Variants in PAPPA2 observed in about 807,000 individuals in gnomAD.
PAPPA2 encodes the protein pappalysin-2.
In PAPPA2, 86 loss-of-function variants were observed where a neutral mutation model predicts 176.4. The ratio of observed to expected loss-of-function variants is 0.49; its 90% CI spans 0.41 to 0.58. The LOEUF is 0.58. Ranked by LOEUF, PAPPA2 falls within the 20% of genes least tolerant of loss-of-function variation. The pLI is 0.00. For synonymous variants in PAPPA2, 809 were observed against 852.2 expected, an observed-to-expected ratio of 0.95 and a Z score of 0.88; for missense variants, 2,073 against 2,256.9, an observed-to-expected ratio of 0.92 and a Z score of 1.65.
chr1:176,817,139 G>A (rs1040294189), intron 21 of PAPPA2, among the ~76,000 whole-genome samples: 7 of 152,104 alleles, frequency 4.6e-5, no homozygotes, highest in Non-Finnish European at 8.8e-5. Context: ...GGCAAGAGGT[G>A]AGCATGGGAC....
chr1:176,672,596 G>T (rs1659074680), intron 4 of PAPPA2, among the ~76,000 whole-genome samples: 1 of 151,986 alleles, frequency 6.6e-6, no homozygotes, highest in Admixed American at 6.6e-5. Flanking sequence ...AGAAAAGATT[G>T]CTGTTCAATG....
chr1:176,649,291 T>C (rs1657578218), intron 3 of PAPPA2, among the ~76,000 whole-genome samples: 3 of 151,442 alleles, frequency 2.0e-5, no homozygotes, highest in Non-Finnish European at 4.4e-5. Flanking sequence ...TCCTTTTTGC[T>C]GAATTCTTTT....
At position 176,740,061 on chromosome 1, in the gene PAPPA2, C is replaced by T; in HGVS notation, c.4016C>T (p.Thr1339Ile). 1 of 1,613,986 alleles carries T rather than the reference C, an allele frequency of 6.2e-7. No homozygotes were observed. The highest frequency in any genetic ancestry group is 8.5e-7 in the Non-Finnish European group (1 of 1,179,906). Residue 1339 changes from threonine to isoleucine, a missense_variant, in exon 14 of 23, where the codon ACC becomes ATC. Physicochemically the swap from Thr to Ile is moderately conservative, Grantham distance 89. This residue lies in a region of PAPPA2 where 846 missense variants were observed against 857.9 expected (regional missense o/e 0.99). Coordinates refer to ENST00000367662, the MANE Select transcript of PAPPA2 (RefSeq NM_020318.3). ...HHQNVLFHHT[T>I]SVLLNFSSPR... Reference sequence around the variant, plus strand: ...CAGAATGTCCTTTTCCACCATACCACCTCAGTGCTGCTGAATTTCTCATCC... The same window carrying T: ...CAGAATGTCCTTTTCCACCATACCATCTCAGTGCTGCTGAATTTCTCATCC...
intron 2 of PAPPA2, among the ~76,000 whole-genome samples, chr1:176,584,395 AT>A (rs1415492615): frequency 4.8e-5 from 7 of 145,488 alleles, no homozygotes; most frequent in African/African-American, 1.8e-4. Context: ...TATATAATGC[AT>A]TTTTGTTTTT....
chr1:176,615,517 C>T (rs1395005154), intron 3 of PAPPA2, among the ~76,000 whole-genome samples: 1 of 151,948 alleles, frequency 6.6e-6, no homozygotes, highest in Non-Finnish European at 1.5e-5. Context: ...TTAGTAGGGA[C>T]GGGGTTTCAC....
chr1:176,631,444 A>G (rs1656333556), intron 3 of PAPPA2, among the ~76,000 whole-genome samples: 1 of 152,220 alleles, frequency 6.6e-6, no homozygotes, highest in Non-Finnish European at 1.5e-5. Flanking sequence ...GCAATAAAAA[A>G]TATTCTAAAA....
Position 176,526,621 on chromosome 1 carries a change from CG to C in PAPPA2, c.-916-28782del, listed in dbSNP as rs1649513865. On this transcript the variant is annotated intron_variant, in intron 1 of 22. Coordinates refer to ENST00000367662, the MANE Select transcript of PAPPA2 (RefSeq NM_020318.3). ...TTACTGAGTTAAGACACTGAGGTTTCGGGGTGATTTGCTACAGCAGAGAGCT... is the reference window on the plus strand; with the variant it reads ...TTACTGAGTTAAGACACTGAGGTTTCGGGTGATTTGCTACAGCAGAGAGCT... Among the ~76,000 whole-genome samples, 3 of 152,290 alleles carry C rather than the reference CG, an allele frequency of 2.0e-5. No individual in the cohort carries two copies. In the South Asian group the frequency reaches 6.2e-4, roughly 32 times the overall value.
chr1:176,779,476 TCACACACACACACACACACA>T (rs376976102), intron 17 of PAPPA2, among the ~76,000 whole-genome samples: 1 of 126,968 alleles, frequency 7.9e-6, no homozygotes, highest in Non-Finnish European at 1.6e-5. Context: ...TCCATACTCA[TCACACACACACACACACACA>T]CACACACACA....
intron 3 of PAPPA2, among the ~76,000 whole-genome samples, chr1:176,663,221 A>G (rs775480949): frequency 6.6e-6 from 1 of 152,094 alleles, no homozygotes; most frequent in African/African-American, 2.4e-5. Context: ...TTTCATTTCT[A>G]TTTTATTGTT....
At chr1:176,714,492 A>T (rs1202047876) in intron 12 of PAPPA2, among the ~76,000 whole-genome samples, 2 of 152,120 alleles carry the variant, frequency 1.3e-5, no homozygotes, top group Non-Finnish European at 2.9e-5. Context: ...CCCTCACCAT[A>T]TTAAACTTTT....
chr1:176,511,779 T>C (rs139628491), intron 1 of PAPPA2, among the ~76,000 whole-genome samples: 1 of 152,126 alleles, frequency 6.6e-6, no homozygotes, highest in Non-Finnish European at 1.5e-5. Flanking sequence ...GCTTCTGACA[T>C]TGGCACTCCT....
intron 1 of PAPPA2, among the ~76,000 whole-genome samples, chr1:176,476,871 ATG>A (rs2102472611): frequency 6.6e-6 from 1 of 152,318 alleles, no homozygotes; most frequent in South Asian, 2.1e-4. Context: ...TCAATAGTCT[ATG>A]TCCTTCTGTT....
chr1:176,676,953 A>G (rs10798472), intron 4 of PAPPA2, among the ~76,000 whole-genome samples: 38,401 of 152,068 alleles, frequency 0.25, 5,011 homozygotes, highest in South Asian at 0.34. Flanking sequence ...TGCAAAAGAA[A>G]CAAGGGATAT....
chr1:176,540,617 GA>G (rs1340615771), intron 1 of PAPPA2, among the ~76,000 whole-genome samples: 1 of 152,182 alleles, frequency 6.6e-6, no homozygotes, highest in African/African-American at 2.4e-5. Flanking sequence ...CTTCCTGGAA[GA>G]TTAGGTAAAG....
At chr1:176,569,875 C>T (rs919905943) in intron 2 of PAPPA2, among the ~76,000 whole-genome samples, 1 of 152,074 alleles carries the variant, frequency 6.6e-6, no homozygotes, top group South Asian at 2.1e-4. Flanking sequence ...GTTTAAATTC[C>T]CCTCAGTAGT....
At chr1:176,557,306 T>C in intron 2 of PAPPA2, 65 bp downstream of exon 2, 1 of 1,485,874 alleles carries the variant, frequency 6.7e-7, no homozygotes, top group Non-Finnish European at 8.9e-7. Context: ...TCTGACGGGT[T>C]AGACATAGGG....
chr1:176,653,751 A>G (rs964432279), intron 3 of PAPPA2, among the ~76,000 whole-genome samples: 5 of 151,650 alleles, frequency 3.3e-5, no homozygotes, highest in South Asian at 2.1e-4. Context: ...ACTCACTGCA[A>G]TCTGATTCTG....
chr1:176,700,237 G>C (rs1660590612), intron 8 of PAPPA2, among the ~76,000 whole-genome samples: 1 of 152,208 alleles, frequency 6.6e-6, no homozygotes, highest in African/African-American at 2.4e-5. Context: ...ACTAAGATGA[G>C]GTCCTTACTT....
At chr1:176,586,567 T>A (rs1311692023) in intron 2 of PAPPA2, among the ~76,000 whole-genome samples, 1 of 152,158 alleles carries the variant, frequency 6.6e-6, no homozygotes, top group African/African-American at 2.4e-5. Flanking sequence ...CCTGTGTTAG[T>A]TGGCTGAGGA....
Sources: gnomAD v4.1 joint callset for allele counts (sites outside exome capture counted in the v4.1 genomes callset) on GRCh38, gnomAD v4.1.1 for gene constraint, gnomAD v4.1.1 regional missense constraint, MANE v1.5 for transcripts, NCBI Gene and HGNC (gene_info 2026-07-23, HGNC 2026-07-21) for gene names.